The following LRRIQ1 variants were observed in gnomAD, a reference collection of about 807,000 sequenced individuals.
LRRIQ1 encodes the protein leucine-rich repeat- and IQ domain-containing protein 1.
LRRIQ1 carries 210 observed loss-of-function variants against 211.9 expected under a neutral mutation model. That is an observed-to-expected ratio of 0.99 (90% CI 0.89 to 1.11). LRRIQ1 has a LOEUF of 1.11. LRRIQ1 is among the 50% of genes most tolerant of loss of function. LRRIQ1 has a pLI of 0.00. For missense variants in LRRIQ1, 2,136 were observed against 1,939.5 expected, an observed-to-expected ratio of 1.10 and a Z score of -1.90; for synonymous variants, 699 against 650.1, an observed-to-expected ratio of 1.08 and a Z score of -1.14.
intron 11 of LRRIQ1, among the ~76,000 whole-genome samples, chr12:85,077,136 T>G (rs1338668765): frequency 6.6e-6 from 1 of 152,164 alleles, no homozygotes; most frequent in Non-Finnish European, 1.5e-5. Context: ...GAGGTTGATC[T>G]TCAGTGAAAA....
At chr12:85,188,867 A>C (rs1892354237) in intron 24 of LRRIQ1, among the ~76,000 whole-genome samples, 2 of 152,056 alleles carry the variant, frequency 1.3e-5, no homozygotes. Flanking sequence ...TTACACATAA[A>C]ATTTTTGATA....
chr12:85,059,547 C>T (rs1881535055), intron 8 of LRRIQ1, among the ~76,000 whole-genome samples: 1 of 151,890 alleles, frequency 6.6e-6, no homozygotes, highest in Non-Finnish European at 1.5e-5. Context: ...GATCAAAATT[C>T]AAAATTTGAA....
intron 10 of LRRIQ1, among the ~76,000 whole-genome samples, chr12:85,067,205 T>C (rs1882531056): frequency 6.6e-6 from 1 of 151,954 alleles, no homozygotes; most frequent in African/African-American, 2.4e-5. Context: ...ATGATATTTT[T>C]ATGGATCATC....
intron 10 of LRRIQ1, among the ~76,000 whole-genome samples, chr12:85,069,014 T>C (rs1452039723): frequency 2.0e-5 from 3 of 151,808 alleles, no homozygotes. Context: ...TATGTATACA[T>C]GTGCCATGTT....
At chr12:85,210,997 C>T (rs991222498) in intron 24 of LRRIQ1, among the ~76,000 whole-genome samples, 2 of 152,214 alleles carry the variant, frequency 1.3e-5, no homozygotes, top group African/African-American at 2.4e-5. Context: ...ACCTGAACTC[C>T]TTCACTTTAC....
intron 24 of LRRIQ1, among the ~76,000 whole-genome samples, chr12:85,202,256 T>G (rs1439966484): frequency 6.6e-6 from 1 of 152,128 alleles, no homozygotes; most frequent in Non-Finnish European, 1.5e-5. Context: ...TGAAAAGAAT[T>G]TATATTCTGT....
At chr12:85,133,340 A>G (rs1190404455) in intron 18 of LRRIQ1, among the ~76,000 whole-genome samples, 2 of 152,188 alleles carry the variant, frequency 1.3e-5, no homozygotes, top group African/African-American at 2.4e-5. Flanking sequence ...AGTTTAGGCA[A>G]TAAATAGACT....
At chr12:85,263,322 T>C (rs1017627581) in exon 2 of LRRIQ1, 2 of 152,506 alleles carry the variant, frequency 1.3e-5, no homozygotes, top group Admixed American at 1.3e-4. Context: ...ATCCAGTTTT[T>C]TTAGTTTTAA....
In LRRIQ1 at chr12:85,047,574, T is replaced by G. The variant is rs374566949; in HGVS notation, c.678+104T>G. The G allele has an allele frequency of 9.7e-5, 86 of 891,006 alleles. 1 individual carries two copies. In the South Asian group the frequency reaches 1.3e-3, roughly 14 times the overall value. The allele number at this position is 891,006 out of a possible 1,614,324, so 55.2% of individuals were successfully genotyped here. ...AGATTGAGCTTAATAGTATGACTTT[T>G]AATTACTCTCTGATAGAGGAAGAAA... On this transcript the variant is annotated intron_variant, in intron 6 of 26. Transcript: ENST00000393217.
At chr12:85,158,833 A>G (rs1430354018) in intron 23 of LRRIQ1, among the ~76,000 whole-genome samples, 1 of 151,276 alleles carries the variant, frequency 6.6e-6, no homozygotes, top group African/African-American at 2.4e-5. Context: ...GTAACAAACT[A>G]TACTGTTTAC....
chr12:85,226,895 A>T (rs1894686909), intron 24 of LRRIQ1, among the ~76,000 whole-genome samples: 1 of 151,904 alleles, frequency 6.6e-6, no homozygotes, highest in African/African-American at 2.4e-5. Context: ...TCCATGGTGT[A>T]TATGTGCCAC....
intron 24 of LRRIQ1, among the ~76,000 whole-genome samples, chr12:85,205,216 A>G (rs1406628793): frequency 6.6e-6 from 1 of 152,152 alleles, no homozygotes; most frequent in Non-Finnish European, 1.5e-5. Context: ...GCCATGTAGA[A>G]CTGTAAATCC....
intron 1 of LRRIQ1, among the ~76,000 whole-genome samples, chr12:85,254,996 A>G (rs1218732699): frequency 6.6e-6 from 1 of 151,896 alleles, no homozygotes; most frequent in East Asian, 1.9e-4. Flanking sequence ...ATATGTACAT[A>G]TATAATTTTC....
chr12:85,121,596 A>G (rs1241532868), intron 15 of LRRIQ1, 101 bp from the exon 16 acceptor site: 6 of 826,500 alleles, frequency 7.3e-6, no homozygotes, highest in Non-Finnish European at 1.0e-5. Context: ...TGAGATATAT[A>G]TCCTATGCTT....
chr12:85,097,634 T>C (rs2136272311), intron 11 of LRRIQ1, among the ~76,000 whole-genome samples: 1 of 152,212 alleles, frequency 6.6e-6, no homozygotes, highest in African/African-American at 2.4e-5. Flanking sequence ...GAGTAACACC[T>C]ACAGAAAAAA....
intron 15 of LRRIQ1, among the ~76,000 whole-genome samples, chr12:85,113,946 T>TGTGTGTGTGTGA (rs1280650917): frequency 2.0e-5 from 3 of 147,284 alleles, no homozygotes; most frequent in African/African-American, 7.4e-5. Context: ...TGTGTGTGTG[T>TGTGTGTGTGTGA]GAAAGGCCAC....
At chr12:85,112,493 T>G (rs1421192961) in intron 15 of LRRIQ1, among the ~76,000 whole-genome samples, 2 of 103,636 alleles carry the variant, frequency 1.9e-5, no homozygotes, top group Non-Finnish European at 4.2e-5. Flanking sequence ...TTTCTTTTGC[T>G]TTTTAAGAGT....
intron 25 of LRRIQ1, 113 bp downstream of exon 25, chr12:85,229,762 C>T: frequency 9.8e-7 from 1 of 1,020,572 alleles, no homozygotes; most frequent in South Asian, 1.5e-5. Flanking sequence ...GGCCAATACG[C>T]TACGTTGCCG....
At chr12:85,160,972 TATA>T (rs1193789915) in intron 24 of LRRIQ1, among the ~76,000 whole-genome samples, 1 of 152,104 alleles carries the variant, frequency 6.6e-6, no homozygotes, top group African/African-American at 2.4e-5. Flanking sequence ...ATGAACGTTT[TATA>T]ATGATGTATC....
Sources: gnomAD v4.1 joint callset for allele counts (sites outside exome capture counted in the v4.1 genomes callset) on GRCh38, gnomAD v4.1.1 for gene constraint, MANE v1.5 for transcripts, NCBI Gene and HGNC (gene_info 2026-07-23, HGNC 2026-07-21) for gene names.